The following SPAG16 variants were observed in gnomAD, a reference collection of about 807,000 sequenced individuals.
SPAG16 encodes sperm-associated antigen 16 protein.
Under a neutral mutation model 80.4 loss-of-function variants are expected in SPAG16, and 86 were observed. The ratio of observed to expected loss-of-function variants is 1.07; its 90% CI spans 0.90 to 1.28. The LOEUF (loss-of-function observed/expected upper bound fraction) is 1.28, where lower values mean the gene tolerates loss of function less well. Among genes scored for constraint, SPAG16 ranks in the 50% most tolerant of loss-of-function variants. The probability of loss-of-function intolerance (pLI) is 0.00; values close to 1 mark genes in which losing one functional copy is unlikely to be tolerated. For missense variants in SPAG16, 870 were observed against 765.3 expected, an observed-to-expected ratio of 1.14 and a Z score of -1.61; for synonymous variants, 294 against 265.9, an observed-to-expected ratio of 1.11 and a Z score of -1.03.
chr2:213,702,209 AGTAAAATGGACCAATCAGCTCTCT>A (rs1345238772), intron 10 of SPAG16, among the ~76,000 whole-genome samples: 4 of 152,248 alleles, frequency 2.6e-5, no homozygotes, highest in East Asian at 3.9e-4. Context: ...ATCAGCTCTC[AGTAAAATGGACCAATCAGCTCTCT>A]GTAAAATGGA....
chr2:213,663,817 A>T (rs1365019474), intron 10 of SPAG16, among the ~76,000 whole-genome samples: 1 of 152,094 alleles, frequency 6.6e-6, no homozygotes, highest in African/African-American at 2.4e-5. Flanking sequence ...GCATACAAAA[A>T]CTTTAATGGA....
At chr2:214,062,663 TC>T (rs2050330693) in intron 13 of SPAG16, among the ~76,000 whole-genome samples, 1 of 124,788 alleles carries the variant, frequency 8.0e-6, no homozygotes, top group South Asian at 2.5e-4. Context: ...TGTAATAGCC[TC>T]CTCTTTTTTT....
intron 10 of SPAG16, among the ~76,000 whole-genome samples, chr2:213,615,875 A>C (rs993794062): frequency 1.3e-5 from 2 of 151,984 alleles, no homozygotes; most frequent in Non-Finnish European, 2.9e-5. Context: ...CAATAATCCT[A>C]TGAAATTAGT....
At chr2:214,259,875 G>T (rs906582824) in intron 15 of SPAG16, among the ~76,000 whole-genome samples, 1 of 152,064 alleles carries the variant, frequency 6.6e-6, no homozygotes, top group South Asian at 2.1e-4. Context: ...ATCTGTCTCA[G>T]GCAGTTCTCC....
intron 9 of SPAG16, among the ~76,000 whole-genome samples, chr2:213,480,123 G>A (rs2073670422): frequency 6.6e-6 from 1 of 152,174 alleles, no homozygotes; most frequent in Admixed American, 6.5e-5. Flanking sequence ...ATAAGATCAA[G>A]TATCTTGAGT....
At chr2:213,380,466 A>T (rs1292275876) in intron 9 of SPAG16, among the ~76,000 whole-genome samples, 1 of 152,192 alleles carries the variant, frequency 6.6e-6, no homozygotes, top group African/African-American at 2.4e-5. Context: ...CCACTTCCTC[A>T]TGTAACTTAC....
intron 15 of SPAG16, among the ~76,000 whole-genome samples, chr2:214,397,612 C>T (rs1329315569): frequency 6.6e-6 from 1 of 152,030 alleles, no homozygotes; most frequent in African/African-American, 2.4e-5. Flanking sequence ...ATCAAGGGAC[C>T]CCAAACATTG....
chr2:214,144,876 C>T (rs2055558542), intron 14 of SPAG16, among the ~76,000 whole-genome samples: 1 of 151,932 alleles, frequency 6.6e-6, no homozygotes, highest in South Asian at 2.1e-4. Context: ...TCAAATTGGA[C>T]CTGAGTCTTC....
intron 11 of SPAG16, among the ~76,000 whole-genome samples, chr2:213,927,674 C>T (rs2078547436): frequency 6.6e-6 from 1 of 152,134 alleles, no homozygotes; most frequent in African/African-American, 2.4e-5. Context: ...AATAATACTG[C>T]TTCATTCTAG....
At chr2:214,042,150 A>G (rs1162943542) in intron 13 of SPAG16, among the ~76,000 whole-genome samples, 1 of 150,602 alleles carries the variant, frequency 6.6e-6, no homozygotes, top group African/African-American at 2.4e-5. Context: ...CAGTGGCACG[A>G]TCTTGAATTA....
chr2:213,525,885 A>T (rs965109151), intron 10 of SPAG16, among the ~76,000 whole-genome samples: 1 of 152,114 alleles, frequency 6.6e-6, no homozygotes, highest in African/African-American at 2.4e-5. Context: ...ATTTGCTACA[A>T]ATTTTATAAT....
At chr2:214,210,165 CA>C (rs1025751398) in intron 15 of SPAG16, among the ~76,000 whole-genome samples, 1 of 151,958 alleles carries the variant, frequency 6.6e-6, no homozygotes, top group Non-Finnish European at 1.5e-5. Context: ...ATCTCCCTAT[CA>C]ATATCAGAAA....
chr2:213,621,683 T>C lies in SPAG16; in HGVS notation c.1070+131593T>C, dbSNP rs573188208. Among the ~76,000 whole-genome samples the C allele has an allele frequency of 3.3e-5, 5 of 152,322 alleles. No homozygotes were observed. In the East Asian group the frequency reaches 9.6e-4, roughly 29 times the overall value. On this transcript the variant is annotated intron_variant, in intron 10 of 15. Coordinates refer to ENST00000331683, the MANE Select transcript of SPAG16 (RefSeq NM_024532.5). The stretch of plus-strand genomic sequence containing the variant: ...GTGGTATAGGATAGATTATACAGAA[T>C]TCTGAGGAGTTTAATACTGCATTTG...
intron 15 of SPAG16, among the ~76,000 whole-genome samples, chr2:214,329,859 T>C (rs76865029): frequency 0.064 from 9,809 of 152,156 alleles, 1,055 homozygotes; most frequent in African/African-American, 0.22. Flanking sequence ...AGGTGTCAAC[T>C]TTGCCCCTAT....
intron 10 of SPAG16, among the ~76,000 whole-genome samples, chr2:213,551,937 C>T (rs182672288): frequency 6.6e-6 from 1 of 152,162 alleles, no homozygotes; most frequent in Admixed American, 6.5e-5. Flanking sequence ...TTCCCAAGAT[C>T]TTTATAGGCT....
chr2:213,350,258 A>C (rs2065253229), intron 6 of SPAG16, among the ~76,000 whole-genome samples: 1 of 152,186 alleles, frequency 6.6e-6, no homozygotes, highest in Non-Finnish European at 1.5e-5. Flanking sequence ...CAATCTTCTG[A>C]GTACATACTT....
At chr2:213,377,881 G>GTA (rs1196316655) in intron 9 of SPAG16, among the ~76,000 whole-genome samples, 16 of 101,090 alleles carry the variant, frequency 1.6e-4, no homozygotes, top group African/African-American at 4.5e-4. Context: ...AATAGGATGT[G>GTA]TATATATATA....
chr2:213,971,433 T>C (rs1350745653), intron 12 of SPAG16, among the ~76,000 whole-genome samples: 2 of 152,192 alleles, frequency 1.3e-5, no homozygotes, highest in Non-Finnish European at 2.9e-5. Context: ...TTTGATTATA[T>C]AAATACAACA....
chr2:214,206,753 TC>T (rs1265927093), intron 15 of SPAG16, among the ~76,000 whole-genome samples: 1 of 152,192 alleles, frequency 6.6e-6, no homozygotes, highest in African/African-American at 2.4e-5. Context: ...GTATGAGAGT[TC>T]CTATTTCTCT....
Sources: allele counts gnomAD v4.1 joint callset (sites outside exome capture counted in the v4.1 genomes callset), GRCh38; gene constraint gnomAD v4.1.1; transcripts MANE v1.5; gene names NCBI Gene and HGNC (gene_info 2026-07-23, HGNC 2026-07-21).